The following ENTREP2 variants were observed in gnomAD, a reference collection of about 807,000 sequenced individuals.
The protein encoded by ENTREP2 is protein ENTREP2.
chr15:29,401,836 T>C, the ENTREP2 span, among the ~76,000 whole-genome samples: 2 of 152,334 alleles, frequency 1.3e-5, no homozygotes. Context: ...CACTGTGGAA[T>C]GATCTCGAAG....
the ENTREP2 span, among the ~76,000 whole-genome samples, chr15:29,180,072 C>T: frequency 4.6e-5 from 7 of 152,198 alleles, no homozygotes; most frequent in South Asian, 2.1e-4. Context: ...GAGAGAAAGA[C>T]GGAAACCAAG....
the ENTREP2 span, among the ~76,000 whole-genome samples, chr15:29,501,160 T>C: frequency 6.6e-6 from 1 of 152,068 alleles, no homozygotes; most frequent in Admixed American, 6.6e-5. Context: ...TCTCAAACTC[T>C]TACAAAGAGT....
the ENTREP2 span, among the ~76,000 whole-genome samples, chr15:29,390,993 C>T: frequency 3.4e-4 from 51 of 152,194 alleles, no homozygotes; most frequent in Non-Finnish European, 5.4e-4. Flanking sequence ...CCACCAACCC[C>T]CCATCTTCCA....
At chr15:29,577,733 T>C in the ENTREP2 span, among the ~76,000 whole-genome samples, 3 of 152,190 alleles carry the variant, frequency 2.0e-5, no homozygotes, top group African/African-American at 7.2e-5. Flanking sequence ...TGTACATACA[T>C]TGGAATCTTA....
At chr15:29,633,583 G>C in the ENTREP2 span, among the ~76,000 whole-genome samples, 2 of 152,130 alleles carry the variant, frequency 1.3e-5, no homozygotes, top group Non-Finnish European at 1.5e-5. Flanking sequence ...GAAAAGATCA[G>C]CTTCAATCAG....
the ENTREP2 span, among the ~76,000 whole-genome samples, chr15:29,170,028 C>A: frequency 6.6e-6 from 1 of 152,012 alleles, no homozygotes; most frequent in African/African-American, 2.4e-5. Flanking sequence ...AATATGCAGG[C>A]CGGGTGCGGT....
chr15:29,417,862 C>T, the ENTREP2 span, among the ~76,000 whole-genome samples: 1 of 152,060 alleles, frequency 6.6e-6, no homozygotes. Flanking sequence ...TCTTTAATTG[C>T]ATTTTCTGGA....
At chr15:29,607,178 G>C in the ENTREP2 span, among the ~76,000 whole-genome samples, 30,926 of 152,012 alleles carry the variant, frequency 0.2, 3,265 homozygotes, top group Middle Eastern at 0.28. Flanking sequence ...AGTTTTCTTG[G>C]ATTATAGCTC....
the ENTREP2 span, among the ~76,000 whole-genome samples, chr15:29,518,190 G>T: frequency 6.6e-6 from 1 of 151,946 alleles, no homozygotes; most frequent in Non-Finnish European, 1.5e-5. Context: ...GAAAGAGTGA[G>T]ACCTAGTCTC....
chr15:29,222,946 C>A, the ENTREP2 span, among the ~76,000 whole-genome samples: 1 of 152,202 alleles, frequency 6.6e-6, no homozygotes, highest in South Asian at 2.1e-4. Flanking sequence ...ACTTTCAGAG[C>A]TATACAGGAG....
chr15:29,198,908 A>G, the ENTREP2 span, among the ~76,000 whole-genome samples: 1 of 152,264 alleles, frequency 6.6e-6, no homozygotes, highest in Non-Finnish European at 1.5e-5. Flanking sequence ...AGATTCATCT[A>G]CCTTACTGCA....
the ENTREP2 span, among the ~76,000 whole-genome samples, chr15:29,575,392 C>G: frequency 6.6e-6 from 1 of 152,186 alleles, no homozygotes; most frequent in African/African-American, 2.4e-5. Flanking sequence ...AGACCCACCA[C>G]TAACATCATA....
the ENTREP2 span, among the ~76,000 whole-genome samples, chr15:29,302,239 CCA>C: frequency 1.3e-5 from 2 of 152,056 alleles, no homozygotes; most frequent in Non-Finnish European, 2.9e-5. Flanking sequence ...CTGAAAAAAG[CCA>C]TTTAAAAAAT....
chr15:29,148,467 T>G, the ENTREP2 span, among the ~76,000 whole-genome samples: 153 of 152,334 alleles, frequency 1.0e-3, no homozygotes, highest in African/African-American at 3.5e-3. Flanking sequence ...TAATGTTGTA[T>G]GTGGACATAA....
chr15:29,324,758 G>A, the ENTREP2 span, among the ~76,000 whole-genome samples: 1 of 152,074 alleles, frequency 6.6e-6, no homozygotes, highest in Non-Finnish European at 1.5e-5. Flanking sequence ...AAATACATGA[G>A]GCAAAAACTG....
At chr15:29,644,194 A>T in the ENTREP2 span, among the ~76,000 whole-genome samples, 1 of 152,204 alleles carries the variant, frequency 6.6e-6, no homozygotes, top group South Asian at 2.1e-4. Flanking sequence ...AAAAGACCAT[A>T]TGTTCTATGA....
the ENTREP2 span, among the ~76,000 whole-genome samples, chr15:29,395,443 A>G: frequency 1.8e-4 from 28 of 152,294 alleles, no homozygotes; most frequent in African/African-American, 6.7e-4. Context: ...CAATAATTAC[A>G]AATAGAATTA....
chr15:29,250,401 G>C, the ENTREP2 span, among the ~76,000 whole-genome samples: 4 of 152,192 alleles, frequency 2.6e-5, no homozygotes, highest in African/African-American at 9.7e-5. Flanking sequence ...AGATGTATGT[G>C]AGAGTACATA....
chr15:29,510,362 C>A, the ENTREP2 span, among the ~76,000 whole-genome samples: 18 of 152,270 alleles, frequency 1.2e-4, no homozygotes, highest in African/African-American at 4.3e-4. Context: ...GGATCTAGAA[C>A]TAGAAATACT....
Sources: allele counts gnomAD v4.1 joint callset (sites outside exome capture counted in the v4.1 genomes callset), GRCh38; gene constraint gnomAD v4.1.1; transcripts MANE v1.5; gene names NCBI Gene and HGNC (gene_info 2026-07-23, HGNC 2026-07-21).